Variants in ABLIM1 observed in about 807,000 individuals in gnomAD.
ABLIM1 encodes actin-binding LIM protein 1.
Under a neutral mutation model 107.0 loss-of-function variants are expected in ABLIM1, and 40 were observed. That is an observed-to-expected ratio of 0.37 (90% CI 0.29 to 0.49). ABLIM1 has a LOEUF of 0.49. Ranked by LOEUF, ABLIM1 falls within the 20% of genes least tolerant of loss-of-function variation. The pLI, the probability that ABLIM1 is intolerant of heterozygous loss-of-function variation, is 0.97. For synonymous variants in ABLIM1, 357 were observed against 357.3 expected, an observed-to-expected ratio of 1.00 and a Z score of 0.01; for missense variants, 857 against 1,008.5, an observed-to-expected ratio of 0.85 and a Z score of 2.04.
chr10:114,445,846 G>A (rs1000430472), intron 15 of ABLIM1, among the ~76,000 whole-genome samples: 3 of 152,152 alleles, frequency 2.0e-5, no homozygotes, highest in Non-Finnish European at 2.9e-5. Flanking sequence ...TCATGGCTCA[G>A]TGCAGCCTCG....
chr10:114,562,256 G>A (rs529742603), intron 4 of ABLIM1, among the ~76,000 whole-genome samples: 20 of 152,286 alleles, frequency 1.3e-4, no homozygotes, highest in Non-Finnish European at 7.3e-5. Flanking sequence ...TTGGCCAGGC[G>A]CGGTGGCTCA....
Position 114,515,470 on chromosome 10 carries a change from C to T in ABLIM1, c.895-23592G>A, listed in dbSNP as rs745807605. The stretch of plus-strand genomic sequence containing the variant: ...TTATGCTTTTCATGCAGAGTGAGTT[C>T]GTGAGTGTGAATGACACACACAGAT... On this transcript the variant is annotated intron_variant, in intron 6 of 22. Coordinates refer to ENST00000533213, the MANE Select transcript of ABLIM1 (RefSeq NM_002313.7). 6.2e-4 allele frequency among the ~76,000 whole-genome samples: 95 copies of T among 152,140 alleles called. 1 individual carries two copies. The highest frequency in any genetic ancestry group is 3.9e-3 in the Admixed American group (60 of 15,278).
chr10:114,487,355 A>T (rs2058341547), intron 8 of ABLIM1, among the ~76,000 whole-genome samples: 1 of 152,198 alleles, frequency 6.6e-6, no homozygotes, highest in African/African-American at 2.4e-5. Flanking sequence ...GGGCATCTGA[A>T]CAGGACAGAG....
intron 6 of ABLIM1, among the ~76,000 whole-genome samples, chr10:114,539,682 G>A (rs2066426050): frequency 6.6e-6 from 1 of 152,144 alleles, no homozygotes; most frequent in Admixed American, 6.5e-5. Context: ...TTTTCTTTAT[G>A]AGGCTAGCAG....
chr10:114,627,516 T>C (rs1024501430), intron 1 of ABLIM1, among the ~76,000 whole-genome samples: 7 of 152,092 alleles, frequency 4.6e-5, no homozygotes, highest in Non-Finnish European at 8.8e-5. Context: ...ACCCAGCACT[T>C]TGCCTAACAC....
chr10:114,590,434 C>A (rs753120172), intron 2 of ABLIM1, among the ~76,000 whole-genome samples: 2 of 152,166 alleles, frequency 1.3e-5, no homozygotes, highest in Non-Finnish European at 2.9e-5. Context: ...TTGGTCCACA[C>A]TTTATGAACT....
the ABLIM1 span, among the ~76,000 whole-genome samples, chr10:114,799,359 C>A: frequency 6.6e-6 from 1 of 152,180 alleles, no homozygotes; most frequent in Non-Finnish European, 1.5e-5. Context: ...TGACTACTTT[C>A]TCATTTATAT....
At chr10:114,634,123 A>ATTTTTT (rs1209219359) in intron 1 of ABLIM1, among the ~76,000 whole-genome samples, 3 of 68,220 alleles carry the variant, frequency 4.4e-5, no homozygotes, top group Non-Finnish European at 6.2e-5. Context: ...CATTAGCTCA[A>ATTTTTT]TTTTTCTTTT....
intron 1 of ABLIM1, among the ~76,000 whole-genome samples, chr10:114,711,075 T>G (rs2081538210): frequency 6.6e-6 from 1 of 152,246 alleles, no homozygotes; most frequent in Non-Finnish European, 1.5e-5. Context: ...TTGAAGAATC[T>G]GTTGTCCCTG....
Position 114,450,921 on chromosome 10 carries a change from A to G in ABLIM1, c.1594+703T>C, listed in dbSNP as rs1194266976. On this transcript the variant is annotated intron_variant, in intron 14 of 22. Transcript: ENST00000533213. ...CAGAGACTTAATAATGGTGGAGGAA[A>G]ATGTGATTTACATAAAGTCATGTGA... Among the ~76,000 whole-genome samples, 5 of 152,324 alleles carry G rather than the reference A, an allele frequency of 3.3e-5. 1 individual carries two copies. In the East Asian group the frequency reaches 9.6e-4, roughly 29 times the overall value.
chr10:114,675,029 C>G (rs958087008), intron 1 of ABLIM1, among the ~76,000 whole-genome samples: 3 of 152,050 alleles, frequency 2.0e-5, no homozygotes, highest in Non-Finnish European at 4.4e-5. Flanking sequence ...TCTGTATCAG[C>G]GTGGTTATAA....
rs1024263013 is a variant in ABLIM1 at position 114,684,925 on chromosome 10, A to T, written c.-572T>A. On this transcript the variant is annotated 5_prime_UTR_variant, in exon 1 of 24. Transcript: ENST00000369256. ...ACTAGAATTTTTAAAAAATGCTATA[A>T]CTTGGAGAGGCTTCTTTTACTAACA... The T allele has an allele frequency of 1.6e-4, 29 of 181,192 alleles. 1 individual carries two copies. Among genetic ancestry groups the T allele is most frequent in the African/African-American group, 5.9e-4 (25 of 42,094 alleles). The allele number at this position is 181,192 out of a possible 1,614,324, so 11.2% of individuals were successfully genotyped here.
chr10:114,783,580 CG>C, the ABLIM1 span, among the ~76,000 whole-genome samples: 1 of 151,478 alleles, frequency 6.6e-6, no homozygotes, highest in Non-Finnish European at 1.5e-5. Flanking sequence ...TAACATGTAA[CG>C]GTGGGATAGG....
chr10:114,689,999 A>C (rs1591830892), upstream of ABLIM1: 2 of 585,204 alleles, frequency 3.4e-6, no homozygotes, highest in East Asian at 3.0e-5. Flanking sequence ...AGCTAGGCAT[A>C]GGGAACAAGG....
chr10:114,606,698 C>T (rs1264754165), intron 1 of ABLIM1, among the ~76,000 whole-genome samples: 1 of 152,180 alleles, frequency 6.6e-6, no homozygotes, highest in East Asian at 1.9e-4. Flanking sequence ...CTTCCAAAGC[C>T]CTTTCCTCTT....
At chr10:114,613,941 C>T (rs1049102751) in intron 1 of ABLIM1, among the ~76,000 whole-genome samples, 8 of 152,088 alleles carry the variant, frequency 5.3e-5, no homozygotes, top group African/African-American at 1.9e-4. Context: ...GGGAGCATAA[C>T]CCTGGTGGTT....
At chr10:114,766,901 T>C (rs2082908240) in intron 1 of ABLIM1, among the ~76,000 whole-genome samples, 1 of 152,158 alleles carries the variant, frequency 6.6e-6, no homozygotes, top group South Asian at 2.1e-4. Context: ...GCAGGTAGTA[T>C]CTCAGAGCCC....
At chr10:114,750,221 C>T (rs1175973408) in intron 1 of ABLIM1, among the ~76,000 whole-genome samples, 1 of 152,148 alleles carries the variant, frequency 6.6e-6, no homozygotes, top group Non-Finnish European at 1.5e-5. Flanking sequence ...CAGATGGTAA[C>T]AGTATCCACA....
intron 6 of ABLIM1, among the ~76,000 whole-genome samples, chr10:114,531,150 G>T (rs1048001974): frequency 3.3e-5 from 5 of 152,206 alleles, no homozygotes; most frequent in African/African-American, 1.2e-4. Context: ...AACTACATCA[G>T]AGAGTAAACA....
Sources: allele counts gnomAD v4.1 joint callset (sites outside exome capture counted in the v4.1 genomes callset), GRCh38; gene constraint gnomAD v4.1.1; transcripts MANE v1.5; gene names NCBI Gene and HGNC (gene_info 2026-07-23, HGNC 2026-07-21).